The following LTA variants were observed in gnomAD, a reference collection of about 807,000 sequenced individuals.
LTA encodes the protein lymphotoxin-alpha.
Under a neutral mutation model 15.1 loss-of-function variants are expected in LTA, and 6 were observed. The ratio of observed to expected loss-of-function variants is 0.40; its 90% CI spans 0.22 to 0.78. LTA has a LOEUF of 0.78. Ranked by LOEUF, LTA falls within the 30% of genes least tolerant of loss-of-function variation. The pLI, the probability that LTA is intolerant of heterozygous loss-of-function variation, is 0.38. For missense variants in LTA, 173 were observed against 249.5 expected (o/e 0.69, Z 2.06); for synonymous variants, 87 against 107.3 (o/e 0.81, Z 1.17).
chr6:31,560,790 G>A, the LTA span, among the ~76,000 whole-genome samples: 1 of 152,184 alleles, frequency 6.6e-6, no homozygotes, highest in African/African-American at 2.4e-5. Flanking sequence ...TTTGGATTAA[G>A]TTAGGAAAAG....
the LTA span, among the ~76,000 whole-genome samples, chr6:31,564,612 A>G: frequency 6.7e-6 from 1 of 148,942 alleles, no homozygotes; most frequent in African/African-American, 2.5e-5. Flanking sequence ...GTCACTAAAG[A>G]TGGTGGTAGG....
In LTA at chr6:31,573,924, C is replaced by T; in HGVS notation, c.*231C>T. On this transcript the variant is annotated 3_prime_UTR_variant, in exon 4 of 4. Transcript: ENST00000418386. ...GTCTGTCTGGCTGAGGATTTCAAGCCTGCCTAGGAATTCCCAGCCCAAAGC... is the reference window on the plus strand; with the variant it reads ...GTCTGTCTGGCTGAGGATTTCAAGCTTGCCTAGGAATTCCCAGCCCAAAGC... The T allele has an allele frequency of 1.4e-6, 1 of 703,618 alleles. No homozygotes were observed. Among genetic ancestry groups the T allele is most frequent in the Non-Finnish European group, 2.6e-6 (1 of 388,924 alleles). The allele number at this position is 703,618 out of a possible 1,614,324, so 43.6% of individuals were successfully genotyped here. A position where few individuals can be genotyped will look rare whatever the true frequency, so the allele number is the denominator to read the frequency against.
At chr6:31,573,117 TC>T in intron 3 of LTA, 84 bp downstream of exon 3, 2 of 1,138,028 alleles carry the variant, frequency 1.8e-6, no homozygotes, top group Non-Finnish European at 2.5e-6. Context: ...TCCACCCCTC[TC>T]CCCCAACTTC....
At chr6:31,568,536 A>T (rs1299596299), upstream of LTA, among the ~76,000 whole-genome samples, 2 of 152,156 alleles carry the variant, frequency 1.3e-5, no homozygotes, top group East Asian at 3.8e-4. This position sits in a 1 kb window ranked among gnomAD's most constrained non-coding sequence, Gnocchi z 4.1. Context: ...ATTAAATCCC[A>T]ATTCAGGTTT....
the LTA span, among the ~76,000 whole-genome samples, chr6:31,566,233 CTT>C: frequency 0.21 from 31,014 of 151,280 alleles, 3,546 homozygotes; most frequent in East Asian, 0.39. Context: ...AATCCCAACA[CTT>C]TGCGAGGCTA....
At chr6:31,566,865 G>C in the LTA span, among the ~76,000 whole-genome samples, 1 of 150,558 alleles carries the variant, frequency 6.6e-6, no homozygotes, top group East Asian at 2.0e-4. Flanking sequence ...GTTTGAACCC[G>C]GGCAGCAGAG....
the LTA span, among the ~76,000 whole-genome samples, chr6:31,565,993 C>T: frequency 1.3e-5 from 2 of 152,000 alleles, no homozygotes; most frequent in African/African-American, 4.8e-5. Context: ...GCCTGCCCAA[C>T]ATGATGAAAC....
chr6:31,570,974 A>T (rs895664399), upstream of LTA, among the ~76,000 whole-genome samples: 9 of 152,054 alleles, frequency 5.9e-5, no homozygotes, highest in Non-Finnish European at 5.9e-5. Context: ...CTACATACAG[A>T]TGGAAAAATT....
In LTA at chr6:31,573,060, A is replaced by T. The variant is rs778888599; in HGVS notation, c.205+27A>T. 8.3e-6 allele frequency: 13 copies of T among 1,573,782 alleles called. No homozygotes were observed. The East Asian group carries it at 2.9e-4, about 35-fold the overall frequency. On this transcript the variant is annotated intron_variant, in intron 3 of 3. Coordinates refer to ENST00000418386, the MANE Select transcript of LTA (RefSeq NM_000595.4). ...TAAACATCCACCTGACCTCCCAGAC[A>T]TGTCCCCACCAGCTCTCCTCCTACC...
At chr6:31,561,724 G>T in the LTA span, among the ~76,000 whole-genome samples, 2 of 152,180 alleles carry the variant, frequency 1.3e-5, no homozygotes, top group Admixed American at 1.3e-4. Flanking sequence ...CACCTATTAG[G>T]AGCAGGGCAC....
upstream of LTA, among the ~76,000 whole-genome samples, chr6:31,568,640 G>T (rs1247368522): frequency 1.3e-5 from 2 of 152,184 alleles, no homozygotes; most frequent in East Asian, 3.9e-4. The surrounding 1 kb of genome is among the most constrained non-coding windows in gnomAD (Gnocchi z 4.1). Flanking sequence ...CCACTATAAA[G>T]ACTGTATTTC....
rs748718688 is a variant in LTA, at chr6:31,573,612, C to T, written c.537C>T (p.Asp179=). 8.1e-6 allele frequency: 13 copies of T among 1,613,984 alleles called. No individual in the cohort carries two copies. In the Middle Eastern group the frequency reaches 1.2e-3, roughly 143 times the overall value. Residue 179 remains aspartate, a synonymous_variant, in exon 4 of 4, where the codon GAC becomes GAT. Coordinates refer to ENST00000418386, the MANE Select transcript of LTA (RefSeq NM_000595.4). ...CTGCGTTCCAGCTCACCCAGGGAGA[C>T]CAGCTATCCACCCACACAGATGGCA... ...HGAAFQLTQG[D]QLSTHTDGIP...
chr6:31,566,358 C>A, the LTA span, among the ~76,000 whole-genome samples: 2 of 151,694 alleles, frequency 1.3e-5, no homozygotes, highest in Non-Finnish European at 2.9e-5. Context: ...AAAAAAAAAA[C>A]CAGGCCGGGT....
the LTA span, among the ~76,000 whole-genome samples, chr6:31,565,792 C>T: frequency 6.6e-6 from 1 of 152,166 alleles, no homozygotes; most frequent in Middle Eastern, 3.2e-3. Flanking sequence ...TTCTCTCCAT[C>T]TCCATGGCTG....
the LTA span, among the ~76,000 whole-genome samples, chr6:31,561,385 C>G: frequency 2.6e-5 from 4 of 152,090 alleles, no homozygotes; most frequent in Non-Finnish European, 5.9e-5. Flanking sequence ...AACGTCTGTC[C>G]AAAAGGTGGG....
chr6:31,569,519 G>C (rs9267499), upstream of LTA, among the ~76,000 whole-genome samples: 16,652 of 152,194 alleles, frequency 0.11, 996 homozygotes, highest in Middle Eastern at 0.18. Flanking sequence ...AAGGTTGGGC[G>C]CAGTGGCTCA....
upstream of LTA, among the ~76,000 whole-genome samples, chr6:31,567,603 TTTC>T (rs372327993): frequency 0.26 from 18,666 of 72,852 alleles, 1,359 homozygotes; most frequent in South Asian, 0.28. Flanking sequence ...CACCTCCCTC[TTTC>T]TCTCTCTCTC....
chr6:31,573,615 G>A lies in LTA; in HGVS notation c.540G>A (p.Gln180=), dbSNP rs1431649785. The A allele has an allele frequency of 6.2e-7, 1 of 1,613,972 alleles. No homozygotes were observed. The highest frequency in any genetic ancestry group is 1.3e-5 in the African/African-American group (1 of 74,902). ...GAAFQLTQGD[Q]LSTHTDGIPH... is the part of the protein sequence containing the mutation. ...CGTTCCAGCTCACCCAGGGAGACCA[G>A]CTATCCACCCACACAGATGGCATCC... The change falls in exon 4 of 4, where the codon CAG becomes CAA. Residue 180 remains glutamine, a synonymous_variant. Coordinates refer to ENST00000418386, the MANE Select transcript of LTA (RefSeq NM_000595.4).
chr6:31,565,541 C>G, the LTA span, among the ~76,000 whole-genome samples: 1 of 152,168 alleles, frequency 6.6e-6, no homozygotes, highest in African/African-American at 2.4e-5. Context: ...TGACCATGCC[C>G]AGGTTTCTTT....
Sources: gnomAD v4.1 joint callset for allele counts (sites outside exome capture counted in the v4.1 genomes callset) on GRCh38, gnomAD v4.1.1 for gene constraint, Gnocchi (gnomAD v3.1) non-coding constraint, MANE v1.5 for transcripts, NCBI Gene and HGNC (gene_info 2026-07-23, HGNC 2026-07-21) for gene names.